The following PSEN2 variants were observed in gnomAD, a reference collection of about 807,000 sequenced individuals.
PSEN2 encodes presenilin 2.
A neutral mutation model predicts 49.1 loss-of-function variants in PSEN2; 32 were observed. That is an observed-to-expected ratio of 0.65 (90% CI 0.49 to 0.88). PSEN2 has a LOEUF of 0.88. Among genes scored for constraint, PSEN2 ranks in the 40% least tolerant of loss-of-function variants. The pLI is 0.00. For synonymous variants in PSEN2, 255 were observed against 244.0 expected (o/e 1.05, Z -0.42); for missense variants, 522 against 586.9 (o/e 0.89, Z 1.14).
chr1:226,887,836 G>C (rs886426112), intron 6 of PSEN2, among the ~76,000 whole-genome samples: 1 of 152,134 alleles, frequency 6.6e-6, no homozygotes, highest in East Asian at 1.9e-4. Context: ...CAGTAGAGAT[G>C]GGGGGAGACC....
chr1:226,898,521 T>C (rs973927769), downstream of PSEN2: 2 of 152,262 alleles, frequency 1.3e-5, no homozygotes, highest in Admixed American at 1.3e-4. Context: ...CATCAGACTT[T>C]TCATCTTGTC....
chr1:226,902,039 A>T (rs185533723), intron 12 of PSEN2, among the ~76,000 whole-genome samples: 4 of 152,218 alleles, frequency 2.6e-5, no homozygotes, highest in Admixed American at 1.3e-4. Context: ...GGAGGATGTG[A>T]CTTAGAGCAG....
At chr1:226,900,137 G>T (rs753162960), downstream of PSEN2, among the ~76,000 whole-genome samples, 1 of 152,158 alleles carries the variant, frequency 6.6e-6, no homozygotes, top group Non-Finnish European at 1.5e-5. Context: ...CTTCAAAGAC[G>T]GTGGAAATGG....
At chr1:226,879,154 G>T (rs1263978998) in intron 3 of PSEN2, among the ~76,000 whole-genome samples, 1 of 152,190 alleles carries the variant, frequency 6.6e-6, no homozygotes, top group Non-Finnish European at 1.5e-5. Context: ...TTACAGGCGT[G>T]AGCCGAGCCA....
intron 1 of PSEN2, chr1:226,870,993 C>G (rs917315024): frequency 3.9e-5 from 6 of 152,326 alleles, no homozygotes; most frequent in African/African-American, 1.4e-4. Flanking sequence ...GGGGTGGGCG[C>G]GGCGCGAGCG....
intron 12 of PSEN2, among the ~76,000 whole-genome samples, chr1:226,902,411 G>A (rs917242092): frequency 1.3e-5 from 2 of 152,082 alleles, no homozygotes; most frequent in Non-Finnish European, 2.9e-5. Flanking sequence ...GCTTACCGTG[G>A]GCCCTGGGGT....
At chr1:226,872,105 G>A (rs887815858) in intron 2 of PSEN2, among the ~76,000 whole-genome samples, 2 of 152,180 alleles carry the variant, frequency 1.3e-5, no homozygotes, top group African/African-American at 2.4e-5. Context: ...CTATTTGAAA[G>A]AGCAGCAAGG....
chr1:226,901,592 A>ATG (rs145313202), downstream of PSEN2, among the ~76,000 whole-genome samples: 1 of 152,120 alleles, frequency 6.6e-6, no homozygotes, highest in Non-Finnish European at 1.5e-5. Flanking sequence ...TTAGCTATTC[A>ATG]TGTGTGTGTG....
Position 226,885,606 on chromosome 1 carries a change from C to A in PSEN2, c.425C>A (p.Thr142Asn). 1 of 1,613,782 alleles carries A rather than the reference C, an allele frequency of 6.2e-7. No individual in the cohort carries two copies. Among genetic ancestry groups the A allele is most frequent in the Non-Finnish European group, 8.5e-7 (1 of 1,179,990 alleles). ...GQRLLNSVLN[T>N]LIMISVIVVM... ...CGCCTCCTCAACTCCGTGCTGAACA[C>A]CCTCATCATGATCAGCGTCATCGTG... The change falls in exon 6 of 13, where the codon ACC (threonine) becomes AAC (asparagine). Residue 142 changes from threonine to asparagine, a missense_variant. By Grantham distance (65) the Thr-to-Asn change is moderately conservative. Transcript: ENST00000366783.
chr1:226,890,923 T>G, intron 9 of PSEN2: 1 of 312,188 alleles, frequency 3.2e-6, no homozygotes, highest in Non-Finnish European at 6.1e-6. Context: ...GAAAGCACAT[T>G]CCAGGCGCAT....
intron 5 of PSEN2, chr1:226,884,589 T>TG (rs1408304830): frequency 6.6e-6 from 1 of 151,966 alleles, no homozygotes; most frequent in African/African-American, 2.4e-5. Flanking sequence ...TCGTGTGTGT[T>TG]GGTTTTTTTT....
At chr1:226,883,425 TTTGATTCATTAACCATTAAG>T (rs1661123729) in intron 4 of PSEN2, among the ~76,000 whole-genome samples, 2 of 152,330 alleles carry the variant, frequency 1.3e-5, no homozygotes, top group African/African-American at 4.8e-5. Context: ...GGAAAGATCT[TTTGATTCATTAACCATTAAG>T]TTGATTCATT....
At chr1:226,891,164 AG>A (rs1189306145) in intron 9 of PSEN2, 113 bp from the exon 10 acceptor site, 31 of 837,576 alleles carry the variant, frequency 3.7e-5, no homozygotes, top group Middle Eastern at 6.5e-4. Context: ...AGATACCTGC[AG>A]GATGGAGGGT....
chr1:226,893,068 G>A (rs1661867250), intron 11 of PSEN2, among the ~76,000 whole-genome samples: 1 of 152,126 alleles, frequency 6.6e-6, no homozygotes, highest in African/African-American at 2.4e-5. Context: ...GAGTAGCTGG[G>A]ATTACAGGCA....
intron 8 of PSEN2, 93 bp downstream of exon 8, chr1:226,889,142 GC>G: frequency 8.3e-7 from 1 of 1,200,596 alleles, no homozygotes; most frequent in Non-Finnish European, 1.2e-6. Flanking sequence ...GTGCTGAAGG[GC>G]TTGCATCCCT....
rs779830498 is a variant in PSEN2, at chr1:226,895,612, G to A, written c.*33G>A. On this transcript the variant is annotated 3_prime_UTR_variant, in exon 13 of 13. Transcript: ENST00000366783. ...GGTGTGCCACAGGCTGCAAGCTGCAGGGAATTTTCATTGGATGCAGTTGTA... is the reference window on the plus strand; with the variant it reads ...GGTGTGCCACAGGCTGCAAGCTGCAAGGAATTTTCATTGGATGCAGTTGTA... 2 of 1,595,516 alleles carry A rather than the reference G, an allele frequency of 1.3e-6. No individual in the cohort carries two copies. The highest frequency in any genetic ancestry group is 2.3e-5 in the South Asian group (2 of 88,436).
chr1:226,886,674 C>G (rs1165229169), intron 6 of PSEN2, among the ~76,000 whole-genome samples: 1 of 152,180 alleles, frequency 6.6e-6, no homozygotes. Flanking sequence ...GATAGAAGTG[C>G]AGAGTGCCCA....
At chr1:226,891,633 C>G in intron 10 of PSEN2, 110 bp from the exon 11 acceptor site, 5 of 1,045,318 alleles carry the variant, frequency 4.8e-6, no homozygotes, top group Non-Finnish European at 7.4e-6. Flanking sequence ...TCAGGGGGAC[C>G]CCTTCTTGGA....
chr1:226,895,485 T>C lies in PSEN2; in HGVS notation c.1253T>C (p.Ile418Thr). 1 of 1,613,880 alleles carries C rather than the reference T, an allele frequency of 6.2e-7. No homozygotes were observed. ...VFKKALPALP[I>T]SITFGLIFYF... ...AAGAAGGCGCTGCCCGCCCTCCCCA[T>C]CTCCATCACGTTCGGGCTCATCTTT... is the stretch of plus-strand genomic sequence containing the variant. Residue 418 changes from isoleucine to threonine, a missense_variant, in exon 13 of 13, where the codon ATC (isoleucine) becomes ACC (threonine). Ile to Thr is a moderately conservative substitution (Grantham distance 89). Transcript: ENST00000366783.
Sources: allele counts gnomAD v4.1 joint callset (sites outside exome capture counted in the v4.1 genomes callset), GRCh38; gene constraint gnomAD v4.1.1; transcripts MANE v1.5; gene names NCBI Gene and HGNC (gene_info 2026-07-23, HGNC 2026-07-21).